Variants in KATNAL1 observed in about 807,000 individuals in gnomAD.
KATNAL1 encodes the protein katanin catalytic subunit A1 like 1, also known as katanin p60 ATPase-containing subunit A-like 1.
In KATNAL1, 32 loss-of-function variants were observed where a neutral mutation model predicts 55.2. That is an observed-to-expected ratio of 0.58 (90% CI 0.44 to 0.78). The LOEUF (loss-of-function observed/expected upper bound fraction) is 0.78, where lower values mean the gene tolerates loss of function less well. Among genes scored for constraint, KATNAL1 ranks in the 30% least tolerant of loss-of-function variants. The pLI, the probability that KATNAL1 is intolerant of heterozygous loss-of-function variation, is 0.00. For synonymous variants in KATNAL1, 193 were observed against 193.6 expected (o/e 1.00, Z 0.02); for missense variants, 466 against 600.9 (o/e 0.78, Z 2.35).
At position 30,259,107 on chromosome 13, in the gene KATNAL1, A is replaced by G. The variant is rs889707769; in HGVS notation, c.324-3492T>C. The stretch of plus-strand genomic sequence containing the variant: ...GTAATCCCAGCACTCTGGGAGGCCG[A>G]GACAGGCAGATCACTACAGGTCAGG... On this transcript the variant is annotated intron_variant, in intron 3 of 10. Transcript: ENST00000380615. 1.2e-4 allele frequency among the ~76,000 whole-genome samples: 19 copies of G among 152,240 alleles called. 1 individual carries two copies. The highest frequency in any genetic ancestry group is 4.6e-4 in the African/African-American group (19 of 41,464).
chr13:30,228,878 G>T (rs1006164846), intron 8 of KATNAL1, among the ~76,000 whole-genome samples: 1 of 152,096 alleles, frequency 6.6e-6, no homozygotes, highest in African/African-American at 2.4e-5. Flanking sequence ...TCAGCCTCCT[G>T]AGTAGCTGGG....
chr13:30,251,000 T>C (rs961272866), intron 4 of KATNAL1, among the ~76,000 whole-genome samples: 1 of 151,980 alleles, frequency 6.6e-6, no homozygotes, highest in Non-Finnish European at 1.5e-5. Flanking sequence ...TAGCTGGGCG[T>C]GGTGGCGGCC....
intron 4 of KATNAL1, among the ~76,000 whole-genome samples, chr13:30,250,701 C>A (rs1434070964): frequency 1.3e-5 from 2 of 152,082 alleles, no homozygotes; most frequent in Non-Finnish European, 2.9e-5. Context: ...AAATAAAGTC[C>A]TTTAACAACT....
chr13:30,266,365 C>A (rs1879784411), intron 3 of KATNAL1, among the ~76,000 whole-genome samples: 1 of 149,074 alleles, frequency 6.7e-6, no homozygotes. Flanking sequence ...TAAAATGCCA[C>A]CACAATTTTG....
At chr13:30,255,980 T>C (rs1173577824) in intron 3 of KATNAL1, among the ~76,000 whole-genome samples, 2 of 152,188 alleles carry the variant, frequency 1.3e-5, no homozygotes, top group Admixed American at 1.3e-4. Context: ...CAAGAATAAG[T>C]AACTTTTTTT....
intron 1 of KATNAL1, chr13:30,296,410 C>A: frequency 1.0e-6 from 1 of 967,404 alleles, no homozygotes; most frequent in Non-Finnish European, 1.6e-6. Flanking sequence ...CTTGGATTAA[C>A]ATCCCCCGGA....
rs138768910 is a variant in KATNAL1, at chr13:30,252,517, G to T, written c.492+2930C>A. Among the ~76,000 whole-genome samples the T allele has an allele frequency of 1.7e-3, 253 of 152,212 alleles. 1 individual carries two copies. The highest frequency in any genetic ancestry group is 5.5e-3 in the African/African-American group (230 of 41,540). ...CTGACCCAGGCACAAAGTAATAAAT[G>T]CATTCTGGATCATGAGCTGGTGTAC... is the stretch of plus-strand genomic sequence containing the variant. On this transcript the variant is annotated intron_variant, in intron 4 of 10. Coordinates refer to ENST00000380615, the MANE Select transcript of KATNAL1 (RefSeq NM_032116.5).
chr13:30,277,541 TTA>T (rs1225366508), intron 3 of KATNAL1, among the ~76,000 whole-genome samples: 2 of 152,216 alleles, frequency 1.3e-5, no homozygotes, highest in Non-Finnish European at 2.9e-5. Context: ...TATATTTGTT[TTA>T]TGTGACCTGG....
chr13:30,296,743 A>G, intron 1 of KATNAL1: 1 of 518,084 alleles, frequency 1.9e-6, no homozygotes, highest in African/African-American at 1.9e-5. Context: ...TAGGCTGGCC[A>G]ATGGATAGTG....
At chr13:30,261,669 A>G (rs1164203314) in intron 3 of KATNAL1, among the ~76,000 whole-genome samples, 2 of 152,248 alleles carry the variant, frequency 1.3e-5, no homozygotes, top group Non-Finnish European at 2.9e-5. Context: ...ACAGCTAACT[A>G]TCCTAAATAT....
rs568037470 is a variant in KATNAL1 at position 30,238,144 on chromosome 13, A to G, written c.726+2316T>C. On this transcript the variant is annotated intron_variant, in intron 6 of 10. Coordinates refer to ENST00000380615, the MANE Select transcript of KATNAL1 (RefSeq NM_032116.5). ...CTACCTGCTCAAAGAGGTCTCCCAAACACCTACAGAAAAAGAATCGAACTC... is the reference window on the plus strand; with the variant it reads ...CTACCTGCTCAAAGAGGTCTCCCAAGCACCTACAGAAAAAGAATCGAACTC... 1.6e-4 allele frequency among the ~76,000 whole-genome samples: 25 copies of G among 152,296 alleles called. No individual in the cohort carries two copies. In the South Asian group the frequency reaches 2.7e-3, roughly 16 times the overall value.
In KATNAL1 at chr13:30,278,492, T is replaced by G. The variant is rs559086148; in HGVS notation, c.323+1571A>C. Among the ~76,000 whole-genome samples the G allele has an allele frequency of 3.9e-5, 6 of 152,364 alleles. No homozygotes were observed. The South Asian group carries it at 1.2e-3, about 32-fold the overall frequency. ...AAGAAAATAACTGGACTAGTGTCAC[T>G]GTAGTGATATGTTTTGAGATTAGTA... On this transcript the variant is annotated intron_variant, in intron 3 of 10. Transcript: ENST00000380615.
chr13:30,298,226 T>C (rs1461204272), intron 1 of KATNAL1, among the ~76,000 whole-genome samples: 5 of 152,234 alleles, frequency 3.3e-5, no homozygotes, highest in Middle Eastern at 3.2e-3. Context: ...CAAGTATGCC[T>C]GCAGTTTTGT....
At chr13:30,287,004 C>T (rs1468896063) in intron 1 of KATNAL1, among the ~76,000 whole-genome samples, 1 of 152,132 alleles carries the variant, frequency 6.6e-6, no homozygotes, top group Admixed American at 6.5e-5. Flanking sequence ...GTATATTTAC[C>T]CAATGCTTAT....
At chr13:30,230,945 A>T (rs909739146) in intron 7 of KATNAL1, among the ~76,000 whole-genome samples, 1 of 152,212 alleles carries the variant, frequency 6.6e-6, no homozygotes, top group Non-Finnish European at 1.5e-5. Context: ...CATATGAAAA[A>T]GGAATAAACT....
chr13:30,247,298 A>G (rs1311490788), intron 4 of KATNAL1, among the ~76,000 whole-genome samples: 3 of 152,240 alleles, frequency 2.0e-5, no homozygotes, highest in Non-Finnish European at 2.9e-5. Flanking sequence ...ACAAAGTAAA[A>G]TAAGTTAATA....
intron 1 of KATNAL1, chr13:30,296,813 C>T (rs567552476): frequency 1.2e-5 from 5 of 400,326 alleles, no homozygotes; most frequent in Non-Finnish European, 2.5e-5. Context: ...TACCTAGGTG[C>T]CCTGTGCTGA....
intron 9 of KATNAL1, among the ~76,000 whole-genome samples, chr13:30,226,063 T>C (rs1318643086): frequency 6.6e-6 from 1 of 152,088 alleles, no homozygotes; most frequent in Non-Finnish European, 1.5e-5. Flanking sequence ...GAAATACCAA[T>C]TAAAATCATG....
intron 3 of KATNAL1, among the ~76,000 whole-genome samples, chr13:30,260,932 T>A (rs1272156142): frequency 1.3e-5 from 2 of 149,970 alleles, no homozygotes; most frequent in Non-Finnish European, 3.0e-5. Context: ...TTCACCAAAG[T>A]TGAAATGAAG....
Sources: gnomAD v4.1 joint callset for allele counts (sites outside exome capture counted in the v4.1 genomes callset) on GRCh38, gnomAD v4.1.1 for gene constraint, MANE v1.5 for transcripts, NCBI Gene and HGNC (gene_info 2026-07-23, HGNC 2026-07-21) for gene names.